Variants in HIVEP1 observed in about 807,000 individuals in gnomAD.
The protein encoded by HIVEP1 is zinc finger protein 40.
A neutral mutation model predicts 180.0 loss-of-function variants in HIVEP1; 36 were observed. That is an observed-to-expected ratio of 0.20 (90% confidence interval 0.15 to 0.26). The LOEUF is 0.26. Ranked by LOEUF, HIVEP1 falls within the 10% of genes least tolerant of loss-of-function variation. The pLI is 1.00. For missense variants in HIVEP1, 3,143 were observed against 3,268.7 expected (o/e 0.96, Z 0.94); for synonymous variants, 1,239 against 1,239.0 (o/e 1.00, Z 0.00).
At position 12,125,392 on chromosome 6, in the gene HIVEP1, CATT is replaced by C; in HGVS notation, c.5599_5601del (p.Leu1867del). On this transcript the variant is annotated inframe_deletion, in exon 4 of 9. Transcript: ENST00000379388. ...TTTGAAAACATCAAGTCATCCACAT[CATT>C]AACTCTTACAGTTCGAAGTTCACCT... 6.2e-7 allele frequency: 1 copy of C among 1,613,860 alleles called. No homozygotes were observed. The highest frequency in any genetic ancestry group is 8.5e-7 in the Non-Finnish European group (1 of 1,179,798).
intron 2 of HIVEP1, among the ~76,000 whole-genome samples, chr6:12,019,559 CCTA>C (rs1444987734): frequency 2.6e-5 from 4 of 152,144 alleles, no homozygotes; most frequent in African/African-American, 9.7e-5. Context: ...CCAGTTTGCC[CCTA>C]CTGTTTCTGC....
In HIVEP1 at chr6:12,120,899, G is replaced by A. The variant is rs756884974; in HGVS notation, c.1104G>A (p.Ser368=). 31 of 1,613,830 alleles carry A rather than the reference G, an allele frequency of 1.9e-5. No homozygotes were observed. In the Admixed American group the frequency reaches 3.7e-4, roughly 19 times the overall value. Reference sequence around the variant, plus strand: ...TAAGTCCGGCTAATTCTACACAGTCGCCCCCCATGCCAATCTATAATTCAA... The same window carrying A: ...TAAGTCCGGCTAATTCTACACAGTCACCCCCCATGCCAATCTATAATTCAA... ...LSISPANSTQ[S]PPMPIYNSTH... The change falls in exon 4 of 9, where the codon TCG becomes TCA. Residue 368 remains serine, a synonymous_variant. Transcript: ENST00000379388.
rs34074662 is a variant in HIVEP1, at chr6:12,115,350, C to CTTTTTTTTTTTT, written c.95-4524_95-4513dup. On this transcript the variant is annotated intron_variant, in intron 3 of 8. Transcript: ENST00000379388. ...CTTAACTTATACTTCCCCAACTATTCTTTTTTTTTTTTTTTTTTTTTTTTT... is the reference window on the plus strand; with the variant it reads ...CTTAACTTATACTTCCCCAACTATTCTTTTTTTTTTTTTTTTTTTTTTTTTTTTTTTTTTTTT... Among the ~76,000 whole-genome samples the CTTTTTTTTTTTT allele has an allele frequency of 4.6e-4, 35 of 75,292 alleles. 1 individual carries two copies. Among genetic ancestry groups the CTTTTTTTTTTTT allele is most frequent in the African/African-American group, 1.4e-3 (26 of 18,518 alleles). The allele number at this position is 75,292 out of a possible 152,430, so 49.4% of individuals were successfully genotyped here.
chr6:12,016,491 G>A (rs1767757371), intron 2 of HIVEP1, among the ~76,000 whole-genome samples: 1 of 152,168 alleles, frequency 6.6e-6, no homozygotes, highest in South Asian at 2.1e-4. Flanking sequence ...CGTATGTAGG[G>A]GAGAAGTGAC....
chr6:12,167,715 A>AAT (rs199615039), downstream of HIVEP1, among the ~76,000 whole-genome samples: 4 of 75,128 alleles, frequency 5.3e-5, no homozygotes, highest in South Asian at 3.9e-4. Flanking sequence ...ATATATGCAT[A>AAT]ATATATATAC....
At chr6:12,167,615 C>CATATAAT (rs1760741842), downstream of HIVEP1, among the ~76,000 whole-genome samples, 1 of 104,112 alleles carries the variant, frequency 9.6e-6, no homozygotes, top group African/African-American at 3.6e-5. Context: ...TGTTATATTA[C>CATATAAT]ATGTATATAT....
intron 3 of HIVEP1, among the ~76,000 whole-genome samples, chr6:12,099,388 G>T (rs886961140): frequency 2.6e-5 from 4 of 152,032 alleles, no homozygotes; most frequent in South Asian, 4.2e-4. Flanking sequence ...GGATGGTCTC[G>T]ATCTCCTGAC....
the HIVEP1 span, among the ~76,000 whole-genome samples, chr6:12,181,546 G>A: frequency 5.9e-5 from 9 of 151,896 alleles, no homozygotes; most frequent in African/African-American, 2.2e-4. Context: ...AAGTAGCTGG[G>A]ACTACAGGCG....
chr6:12,144,517 A>G (rs1333490027), intron 7 of HIVEP1, among the ~76,000 whole-genome samples: 1 of 152,264 alleles, frequency 6.6e-6, no homozygotes, highest in African/African-American at 2.4e-5. Flanking sequence ...AACAGAAGAC[A>G]AAATAGACAA....
At chr6:12,118,660 A>G (rs1412370380) in intron 3 of HIVEP1, among the ~76,000 whole-genome samples, 1 of 152,134 alleles carries the variant, frequency 6.6e-6, no homozygotes, top group Non-Finnish European at 1.5e-5. Context: ...TAGCCATTGA[A>G]TATTTTGTTG....
chr6:12,185,987 A>G, the HIVEP1 span, among the ~76,000 whole-genome samples: 1,191 of 152,346 alleles, frequency 7.8e-3, 15 homozygotes, highest in African/African-American at 0.027. Flanking sequence ...AGATATGTAC[A>G]TGAATGTTCA....
chr6:12,106,500 A>G (rs940794252), intron 3 of HIVEP1, among the ~76,000 whole-genome samples: 44 of 152,122 alleles, frequency 2.9e-4, no homozygotes, highest in Admixed American at 1.5e-3. Context: ...TATTAATATT[A>G]GTCGAAGAAT....
Position 12,015,682 on chromosome 6 carries a change from T to C in HIVEP1, c.40+14T>C. On this transcript the variant is annotated intron_variant, in intron 2 of 8. Coordinates refer to ENST00000379388, the MANE Select transcript of HIVEP1 (RefSeq NM_002114.4). ...GAAATCTAAGAGGTAAAGCATTGCATTAAGTAGAAGTAAGGCTTGCTGTAA... is the reference window on the plus strand; with the variant it reads ...GAAATCTAAGAGGTAAAGCATTGCACTAAGTAGAAGTAAGGCTTGCTGTAA... 3 of 1,610,462 alleles carry C rather than the reference T, an allele frequency of 1.9e-6. No homozygotes were observed. The South Asian group carries it at 3.3e-5, about 18-fold the overall frequency.
chr6:12,041,944 T>C (rs185747531), intron 2 of HIVEP1, among the ~76,000 whole-genome samples: 23 of 150,612 alleles, frequency 1.5e-4, no homozygotes, highest in East Asian at 1.2e-3. Flanking sequence ...TAGGTGTGAG[T>C]CACCGTGCCT....
At chr6:12,146,057 G>A (rs1440504343) in intron 7 of HIVEP1, among the ~76,000 whole-genome samples, 1 of 152,134 alleles carries the variant, frequency 6.6e-6, no homozygotes, top group Admixed American at 6.5e-5. Context: ...GGAGAAATGG[G>A]GTAAACCTTT....
intron 3 of HIVEP1, among the ~76,000 whole-genome samples, chr6:12,107,856 G>A (rs968821466): frequency 1.3e-5 from 2 of 152,134 alleles, no homozygotes; most frequent in African/African-American, 4.8e-5. Flanking sequence ...GAGCTGAGGG[G>A]TGTGTTTTGA....
intron 2 of HIVEP1, among the ~76,000 whole-genome samples, chr6:12,022,723 A>G (rs1204994298): frequency 6.6e-6 from 1 of 152,216 alleles, no homozygotes; most frequent in Non-Finnish European, 1.5e-5. Context: ...TTGGTTCCAT[A>G]TGCTTTATAA....
At chr6:12,105,530 T>C (rs1376535058) in intron 3 of HIVEP1, among the ~76,000 whole-genome samples, 1 of 152,222 alleles carries the variant, frequency 6.6e-6, no homozygotes, top group Non-Finnish European at 1.5e-5. Context: ...ATATTTTGTC[T>C]AGGTAATCTG....
chr6:12,012,059 A>C (rs1369683707), upstream of HIVEP1: 1 of 141,512 alleles, frequency 7.1e-6, no homozygotes, highest in Non-Finnish European at 1.5e-5. Context: ...GGAGAGGTAA[A>C]GCCCGCGCCC....
Sources: gnomAD v4.1 joint callset for allele counts (sites outside exome capture counted in the v4.1 genomes callset) on GRCh38, gnomAD v4.1.1 for gene constraint, MANE v1.5 for transcripts, NCBI Gene and HGNC (gene_info 2026-07-23, HGNC 2026-07-21) for gene names.